Variants in CLSTN2 observed in about 807,000 individuals in gnomAD.
CLSTN2 encodes the protein calsyntenin 2.
CLSTN2 carries 48 observed loss-of-function variants against 101.2 expected under a neutral mutation model. That is an observed-to-expected ratio of 0.47 (90% CI 0.38 to 0.60). The LOEUF is 0.60. Among genes scored for constraint, CLSTN2 ranks in the 20% least tolerant of loss-of-function variants. CLSTN2 has a pLI of 0.00. For synonymous variants in CLSTN2, 481 were observed against 463.6 expected (o/e 1.04, Z -0.48); for missense variants, 1,160 against 1,238.2 (o/e 0.94, Z 0.95).
intron 1 of CLSTN2, among the ~76,000 whole-genome samples, chr3:140,071,763 G>A (rs968587659): frequency 1.1e-4 from 16 of 152,018 alleles, no homozygotes; most frequent in Non-Finnish European, 2.1e-4. Context: ...CTCGGGAGGC[G>A]GAGCTTGCAG....
chr3:139,974,873 T>A (rs941401649), intron 1 of CLSTN2, among the ~76,000 whole-genome samples: 2 of 151,946 alleles, frequency 1.3e-5, no homozygotes, highest in Non-Finnish European at 2.9e-5. Context: ...TGTACAGAGG[T>A]CTAGGATATT....
chr3:140,058,919 A>G (rs2008147614), intron 1 of CLSTN2, among the ~76,000 whole-genome samples: 1 of 152,182 alleles, frequency 6.6e-6, no homozygotes. Flanking sequence ...GAGGGCCCTG[A>G]CCAGCAGGGA....
In CLSTN2 at chr3:140,193,951, G is replaced by A. The variant is rs541190772; in HGVS notation, c.232+17878G>A. ...GTTTCTACTTAGGTTATTTTATTTTGTAGTTGCAAAGTGTCCATTTGGTTC... is the reference window on the plus strand; with the variant it reads ...GTTTCTACTTAGGTTATTTTATTTTATAGTTGCAAAGTGTCCATTTGGTTC... On this transcript the variant is annotated intron_variant, in intron 2 of 16. Transcript: ENST00000458420. 9.3e-4 allele frequency among the ~76,000 whole-genome samples: 141 copies of A among 152,080 alleles called. 1 individual carries two copies. Among genetic ancestry groups the A allele is most frequent in the African/African-American group, 3.2e-3 (134 of 41,504 alleles).
At chr3:140,076,583 C>T (rs2008493232) in intron 1 of CLSTN2, among the ~76,000 whole-genome samples, 1 of 147,216 alleles carries the variant, frequency 6.8e-6, no homozygotes, top group East Asian at 2.1e-4. Context: ...GCAGACTTGC[C>T]TGCCCAACTT....
At chr3:140,517,450 G>T (rs891170860) in intron 8 of CLSTN2, among the ~76,000 whole-genome samples, 3 of 152,192 alleles carry the variant, frequency 2.0e-5, no homozygotes, top group Non-Finnish European at 4.4e-5. Flanking sequence ...GATAGACTAT[G>T]TCAGAGGGAG....
chr3:140,166,937 A>T (rs553034035), intron 1 of CLSTN2, among the ~76,000 whole-genome samples: 56 of 152,362 alleles, frequency 3.7e-4, no homozygotes, highest in African/African-American at 1.3e-3. Context: ...AGTTAAATTC[A>T]AATGAAGCGA....
intron 8 of CLSTN2, among the ~76,000 whole-genome samples, chr3:140,484,165 C>T (rs1256796763): frequency 6.6e-6 from 1 of 152,100 alleles, no homozygotes; most frequent in Non-Finnish European, 1.5e-5. Context: ...CTGGTGGTGA[C>T]AAAAATCTCT....
chr3:140,541,287 A>C (rs982919051), intron 9 of CLSTN2, among the ~76,000 whole-genome samples: 1 of 152,244 alleles, frequency 6.6e-6, no homozygotes, highest in Non-Finnish European at 1.5e-5. Context: ...TAAGAATCTC[A>C]ATACACAAAT....
intron 1 of CLSTN2, among the ~76,000 whole-genome samples, chr3:139,957,070 A>G (rs1007528467): frequency 2.0e-5 from 3 of 152,212 alleles, no homozygotes; most frequent in Non-Finnish European, 2.9e-5. Flanking sequence ...AAAATATTAA[A>G]TGATGATGCT....
At chr3:140,524,803 T>C (rs576728417) in intron 8 of CLSTN2, among the ~76,000 whole-genome samples, 42 of 152,240 alleles carry the variant, frequency 2.8e-4, no homozygotes, top group African/African-American at 8.7e-4. Flanking sequence ...CTCTCAAAAC[T>C]GCATGAAAAC....
rs564291921 is a variant in CLSTN2 at position 140,052,735 on chromosome 3, C to A, written c.109+117252C>A. 6.2e-4 allele frequency among the ~76,000 whole-genome samples: 94 copies of A among 152,306 alleles called. 1 individual carries two copies. The South Asian group carries it at 7.1e-3, about 11-fold the overall frequency. ...TTCTCCTCAGAAAACCAACTCTGCC[C>A]AGCTGATACGTGAAAAAACTCATTT... On this transcript the variant is annotated intron_variant, in intron 1 of 16. Transcript: ENST00000458420.
chr3:140,455,321 G>A (rs1278180869), intron 6 of CLSTN2, among the ~76,000 whole-genome samples: 6 of 152,168 alleles, frequency 3.9e-5, no homozygotes, highest in African/African-American at 9.7e-5. Flanking sequence ...TCTTGCCATA[G>A]GCTCCCTGAA....
chr3:140,132,510 A>G (rs1289621436), intron 1 of CLSTN2, among the ~76,000 whole-genome samples: 1 of 152,128 alleles, frequency 6.6e-6, no homozygotes, highest in African/African-American at 2.4e-5. Context: ...AGTGGACCCA[A>G]TTTTTTGTCC....
chr3:140,436,575 G>A (rs550699910), intron 5 of CLSTN2, among the ~76,000 whole-genome samples: 1 of 152,332 alleles, frequency 6.6e-6, no homozygotes, highest in South Asian at 2.1e-4. Context: ...ACCTTCCATG[G>A]ATCCCAGCCA....
chr3:140,143,500 T>C (rs184290117), intron 1 of CLSTN2, among the ~76,000 whole-genome samples: 26 of 152,318 alleles, frequency 1.7e-4, no homozygotes, highest in East Asian at 1.3e-3. Flanking sequence ...CTTTATTCAG[T>C]ATACTGATTC....
At chr3:140,264,496 C>T (rs537890309) in intron 2 of CLSTN2, among the ~76,000 whole-genome samples, 2 of 147,782 alleles carry the variant, frequency 1.4e-5, no homozygotes, top group East Asian at 4.2e-4. Context: ...ATATAATGAT[C>T]GGTTGACAAA....
intron 4 of CLSTN2, among the ~76,000 whole-genome samples, chr3:140,418,211 C>T (rs1225040504): frequency 6.6e-6 from 1 of 151,994 alleles, no homozygotes; most frequent in Non-Finnish European, 1.5e-5. Flanking sequence ...TGACAGAATT[C>T]CTCCCCTGTG....
At chr3:140,232,528 T>A (rs1022744038) in intron 2 of CLSTN2, among the ~76,000 whole-genome samples, 1 of 152,098 alleles carries the variant, frequency 6.6e-6, no homozygotes, top group African/African-American at 2.4e-5. Context: ...ACGACTTTGA[T>A]CACAGTTCCT....
intron 1 of CLSTN2, among the ~76,000 whole-genome samples, chr3:140,003,789 T>C (rs763883183): frequency 1.3e-5 from 2 of 152,212 alleles, no homozygotes; most frequent in Non-Finnish European, 2.9e-5. Flanking sequence ...AATAATCATG[T>C]GGTTTTTGTT....
Sources: allele counts gnomAD v4.1 joint callset (sites outside exome capture counted in the v4.1 genomes callset), GRCh38; gene constraint gnomAD v4.1.1; transcripts MANE v1.5; gene names NCBI Gene and HGNC (gene_info 2026-07-23, HGNC 2026-07-21).